Variants in DOK6 observed in about 807,000 individuals in gnomAD.
DOK6 encodes the protein downstream of tyrosine kinase 6.
A neutral mutation model predicts 44.0 loss-of-function variants in DOK6; 22 were observed. That is an observed-to-expected ratio of 0.50 (90% CI 0.36 to 0.71). DOK6 has a LOEUF of 0.71. Ranked by LOEUF, DOK6 falls within the 30% of genes least tolerant of loss-of-function variation. The pLI is 0.00. For missense variants in DOK6, 340 were observed against 416.4 expected, an observed-to-expected ratio of 0.82 and a Z score of 1.60; for synonymous variants, 166 against 145.5, an observed-to-expected ratio of 1.14 and a Z score of -1.01.
intron 3 of DOK6, among the ~76,000 whole-genome samples, chr18:69,621,650 A>G (rs977902642): frequency 6.6e-6 from 1 of 152,098 alleles, no homozygotes; most frequent in Admixed American, 6.6e-5. Context: ...ATGGTTGGTG[A>G]TCTTGATGGA....
intron 1 of DOK6, among the ~76,000 whole-genome samples, chr18:69,462,095 C>G (rs1303071657): frequency 6.6e-6 from 1 of 152,164 alleles, no homozygotes; most frequent in Non-Finnish European, 1.5e-5. Flanking sequence ...TAGGATATCT[C>G]TTTTTGGATA....
At chr18:69,663,377 C>T (rs1985577646) in intron 3 of DOK6, 1 of 151,752 alleles carries the variant, frequency 6.6e-6, no homozygotes, top group Non-Finnish European at 1.5e-5. Flanking sequence ...CCCCATGACA[C>T]CTGTGTAATA....
At chr18:69,664,700 T>C (rs1174886558) in intron 3 of DOK6, among the ~76,000 whole-genome samples, 1 of 152,056 alleles carries the variant, frequency 6.6e-6, no homozygotes, top group African/African-American at 2.4e-5. Context: ...ATATGGAAAA[T>C]ATTTCGCTTA....
At chr18:69,537,153 C>A (rs1982147153) in intron 1 of DOK6, among the ~76,000 whole-genome samples, 4 of 152,010 alleles carry the variant, frequency 2.6e-5, no homozygotes, top group Admixed American at 2.6e-4. Flanking sequence ...AAGTTTTAAA[C>A]CCTATTCAAG....
At chr18:69,805,422 T>C (rs139766303) in intron 7 of DOK6, among the ~76,000 whole-genome samples, 6 of 152,290 alleles carry the variant, frequency 3.9e-5, no homozygotes, top group Non-Finnish European at 7.4e-5. Context: ...GCCTGAGATA[T>C]ATTAACTAGT....
At position 69,562,281 on chromosome 18, in the gene DOK6, T is replaced by C. The variant is rs188360774; in HGVS notation, c.67-2206T>C. On this transcript the variant is annotated intron_variant, in intron 1 of 7. Coordinates refer to ENST00000382713, the MANE Select transcript of DOK6 (RefSeq NM_152721.6). ...GTGTCAGTGTAATTAGTAGTCTGGG[T>C]TTTTTTTTCAATCAAAGCTTAAGAT... Among the ~76,000 whole-genome samples the C allele has an allele frequency of 1.1e-4, 17 of 151,118 alleles. No individual in the cohort carries two copies. In the East Asian group the frequency reaches 3.1e-3, roughly 28 times the overall value.
intron 1 of DOK6, among the ~76,000 whole-genome samples, chr18:69,444,666 C>G (rs1182195419): frequency 7.9e-6 from 1 of 126,716 alleles, no homozygotes; most frequent in Non-Finnish European, 1.6e-5. Flanking sequence ...TTTTTTGAGA[C>G]AGAATCTCAC....
intron 2 of DOK6, among the ~76,000 whole-genome samples, chr18:69,581,065 C>T (rs1351815562): frequency 6.6e-6 from 1 of 152,144 alleles, no homozygotes; most frequent in Non-Finnish European, 1.5e-5. Flanking sequence ...AGTATTCCAT[C>T]GTGTATATAC....
At chr18:69,766,811 C>T (rs1979731218) in intron 7 of DOK6, among the ~76,000 whole-genome samples, 2 of 152,128 alleles carry the variant, frequency 1.3e-5, no homozygotes, top group Non-Finnish European at 2.9e-5. Context: ...TATGACGTTT[C>T]TTTTTTCTGG....
At chr18:69,719,572 C>T (rs552794556) in intron 5 of DOK6, among the ~76,000 whole-genome samples, 1 of 152,192 alleles carries the variant, frequency 6.6e-6, no homozygotes, top group Non-Finnish European at 1.5e-5. Flanking sequence ...TGCATCTTAG[C>T]AGATTTCAGG....
intron 5 of DOK6, among the ~76,000 whole-genome samples, chr18:69,729,792 A>G (rs780408733): frequency 6.6e-6 from 1 of 152,232 alleles, no homozygotes; most frequent in Non-Finnish European, 1.5e-5. Context: ...AATGGGATCT[A>G]GGAAGCAAAC....
At chr18:69,659,893 T>TATAA (rs1445113624) in intron 3 of DOK6, 2 of 138,754 alleles carry the variant, frequency 1.4e-5, no homozygotes, top group East Asian at 2.4e-4. Context: ...TTTATATATA[T>TATAA]AACATATATG....
chr18:69,602,714 T>C (rs1321042812), intron 3 of DOK6, among the ~76,000 whole-genome samples: 2 of 152,198 alleles, frequency 1.3e-5, no homozygotes, highest in Non-Finnish European at 2.9e-5. Context: ...AATCTAAAAC[T>C]ATACCAAAAT....
intron 1 of DOK6, among the ~76,000 whole-genome samples, chr18:69,416,428 C>T (rs992814953): frequency 1.3e-5 from 2 of 152,072 alleles, no homozygotes; most frequent in Admixed American, 6.6e-5. Context: ...TGGAATAACT[C>T]TCCACATTGT....
chr18:69,663,481 A>G (rs1985580966), intron 3 of DOK6: 1 of 152,086 alleles, frequency 6.6e-6, no homozygotes, highest in African/African-American at 2.4e-5. Context: ...TTCAGCCTAA[A>G]CTCCACCTGG....
intron 2 of DOK6, among the ~76,000 whole-genome samples, chr18:69,575,197 A>C (rs143944189): frequency 1.3e-5 from 2 of 152,136 alleles, no homozygotes; most frequent in Non-Finnish European, 2.9e-5. Context: ...TTTTCAAGAC[A>C]GGGTGGTGGA....
intron 1 of DOK6, among the ~76,000 whole-genome samples, chr18:69,496,930 G>A (rs2144544929): frequency 6.6e-6 from 1 of 152,294 alleles, no homozygotes; most frequent in Non-Finnish European, 1.5e-5. Context: ...GGAATGATAT[G>A]TTTAGTAGCA....
chr18:69,506,916 CAT>C lies in DOK6; in HGVS notation c.67-57568_67-57567del, dbSNP rs1555707953. Among the ~76,000 whole-genome samples the C allele has an allele frequency of 1.6e-4, 25 of 151,814 alleles. No homozygotes were observed. In the South Asian group the frequency reaches 2.3e-3, roughly 14 times the overall value. On this transcript the variant is annotated intron_variant, in intron 1 of 7. Transcript: ENST00000382713. ...ATATGTACATATATACACACACACA[CAT>C]ATGTATATTTAAATATATATATTTT... is the stretch of plus-strand genomic sequence containing the variant.
chr18:69,451,285 T>G, intron 1 of DOK6, among the ~76,000 whole-genome samples: 1 of 129,038 alleles, frequency 7.7e-6, no homozygotes, highest in South Asian at 3.1e-4. Flanking sequence ...AAACAGACTT[T>G]AAACCAACAA....
Sources: allele counts gnomAD v4.1 joint callset (sites outside exome capture counted in the v4.1 genomes callset), GRCh38; gene constraint gnomAD v4.1.1; transcripts MANE v1.5; gene names NCBI Gene and HGNC (gene_info 2026-07-23, HGNC 2026-07-21).